The following SMC1B variants were observed in gnomAD, a reference collection of about 807,000 sequenced individuals.
SMC1B encodes the protein structural maintenance of chromosomes protein 1B.
Under a neutral mutation model 157.9 loss-of-function variants are expected in SMC1B, and 60 were observed. The ratio of observed to expected loss-of-function variants is 0.38; its 90% confidence interval spans 0.31 to 0.47. SMC1B has a LOEUF of 0.47. Among genes scored for constraint, SMC1B ranks in the 20% least tolerant of loss-of-function variants. The pLI, the probability that SMC1B is intolerant of heterozygous loss-of-function variation, is 0.99. For missense variants in SMC1B, 1,165 were observed against 1,426.2 expected, an observed-to-expected ratio of 0.82 and a Z score of 2.95; for synonymous variants, 445 against 483.0, an observed-to-expected ratio of 0.92 and a Z score of 1.03.
intron 1 of SMC1B, among the ~76,000 whole-genome samples, chr22:45,409,308 A>G (rs1357329818): frequency 6.6e-6 from 1 of 152,224 alleles, no homozygotes. Context: ...TCATGCCTAT[A>G]ATCCTAGCAC....
intron 17 of SMC1B, among the ~76,000 whole-genome samples, chr22:45,361,558 G>C (rs1306592301): frequency 6.6e-6 from 1 of 152,158 alleles, no homozygotes; most frequent in Non-Finnish European, 1.5e-5. Flanking sequence ...AACCCGGGAA[G>C]CAAAGGTTGC....
chr22:45,378,282 G>A (rs2146806763), intron 12 of SMC1B, among the ~76,000 whole-genome samples: 1 of 152,018 alleles, frequency 6.6e-6, no homozygotes, highest in Non-Finnish European at 1.5e-5. Context: ...AATTTCTATA[G>A]AGACAAATAT....
chr22:45,405,177 C>T (rs2087244287), intron 4 of SMC1B, among the ~76,000 whole-genome samples: 1 of 151,866 alleles, frequency 6.6e-6, no homozygotes, highest in South Asian at 2.1e-4. Context: ...TTGGTGTGTT[C>T]AACACATAAT....
chr22:45,385,068 T>C (rs2086976925), intron 11 of SMC1B, among the ~76,000 whole-genome samples: 2 of 152,114 alleles, frequency 1.3e-5, no homozygotes, highest in South Asian at 2.1e-4. Context: ...AACCAGTCTA[T>C]AGGAGAAGAA....
intron 10 of SMC1B, among the ~76,000 whole-genome samples, chr22:45,389,004 A>AAAG (rs59142345): frequency 1.2e-4 from 17 of 142,564 alleles, no homozygotes; most frequent in Non-Finnish European, 2.0e-4. Flanking sequence ...AAAAAAAAAA[A>AAAG]GAAAAAGAAA....
In SMC1B at chr22:45,371,509, G is replaced by T; in HGVS notation, c.2275C>A (p.Gln759Lys). 1 of 1,598,600 alleles carries T rather than the reference G, an allele frequency of 6.3e-7. No individual in the cohort carries two copies. The highest frequency in any genetic ancestry group is 8.5e-7 in the Non-Finnish European group (1 of 1,174,034). Residue 759 changes from glutamine to lysine, a missense_variant, in exon 14 of 25, where the codon CAA (glutamine) becomes AAA (lysine). Transcript: ENST00000357450. ...TCTTGAAATTCTTTAATTCTTCGTTGTCGTTCCTTGATTCCTTCACTCAAC... is the reference window on the plus strand; with the variant it reads ...TCTTGAAATTCTTTAATTCTTCGTTTTCGTTCCTTGATTCCTTCACTCAAC... The part of the protein sequence containing the change: ...IMLSEGIKER[Q>K]RRIKEFQEKI...
Position 45,375,996 on chromosome 22 carries a change from G to C in SMC1B, c.2059-3704C>G, listed in dbSNP as rs376188538. ...ATAGAACTGAGCTGTAAGCCCATCT[G>C]GTCCCAGAGGTTATTTTTGGTTTTT... On this transcript the variant is annotated intron_variant, in intron 12 of 24. Transcript: ENST00000357450. Among the ~76,000 whole-genome samples the C allele has an allele frequency of 5.9e-5, 9 of 152,198 alleles. No homozygotes were observed. The South Asian group carries it at 8.3e-4, about 14-fold the overall frequency.
intron 11 of SMC1B, among the ~76,000 whole-genome samples, chr22:45,384,622 A>G (rs1180590702): frequency 6.6e-6 from 1 of 151,934 alleles, no homozygotes; most frequent in Non-Finnish European, 1.5e-5. Context: ...CAGGAGGCTG[A>G]GGCACGAGAA....
At position 45,413,454 on chromosome 22, in the gene SMC1B, G is replaced by C; in HGVS notation, c.109+5C>G. On this transcript the variant is annotated splice_donor_5th_base_variant and intron_variant, in intron 1 of 24. Transcript: ENST00000357450. ...CTCCGGTGGCGCCCTGAGCTGCTCA[G>C]TTACCAGAGCCGTTGGGGCCGATGA... is the stretch of plus-strand genomic sequence containing the variant. 1.2e-6 allele frequency: 2 copies of C among 1,602,454 alleles called. No individual in the cohort carries two copies. Among genetic ancestry groups the C allele is most frequent in the Non-Finnish European group, 1.7e-6 (2 of 1,174,268 alleles).
At chr22:45,399,684 A>C (rs2087169625) in intron 5 of SMC1B, among the ~76,000 whole-genome samples, 1 of 152,210 alleles carries the variant, frequency 6.6e-6, no homozygotes, top group South Asian at 2.1e-4. Flanking sequence ...CCTATATGGA[A>C]TGTAGAATGC....
At chr22:45,409,174 T>A (rs2146858148) in intron 1 of SMC1B, among the ~76,000 whole-genome samples, 1 of 152,314 alleles carries the variant, frequency 6.6e-6, no homozygotes, top group African/African-American at 2.4e-5. Flanking sequence ...CCATGGCAAA[T>A]CATTTAACTT....
At chr22:45,344,776 A>T in intron 24 of SMC1B, 119 bp from the exon 25 acceptor site, 2 of 612,810 alleles carry the variant, frequency 3.3e-6, no homozygotes, top group East Asian at 5.7e-5. Flanking sequence ...ACCTAGTAAG[A>T]TATCTGCATT....
chr22:45,413,333 T>C (rs1415528388), intron 1 of SMC1B, 126 bp downstream of exon 1: 5 of 698,710 alleles, frequency 7.2e-6, no homozygotes, highest in Non-Finnish European at 1.2e-5. Context: ...GCGGTCAGGC[T>C]CCGGGACTGG....
At position 45,406,443 on chromosome 22, in the gene SMC1B, T is replaced by C. The variant is rs1354052434; in HGVS notation, c.615+17A>G. The C allele has an allele frequency of 1.3e-6, 2 of 1,596,262 alleles. No homozygotes were observed. Among genetic ancestry groups the C allele is most frequent in the African/African-American group, 2.7e-5 (2 of 73,826 alleles). On this transcript the variant is annotated intron_variant, in intron 4 of 24. Coordinates refer to ENST00000357450, the MANE Select transcript of SMC1B (RefSeq NM_148674.5). Reference sequence around the variant, plus strand: ...TTATATCCAACAACTAATGGTTACATCTTCATGACATCTTACCTCTTCCTT... The same window carrying C: ...TTATATCCAACAACTAATGGTTACACCTTCATGACATCTTACCTCTTCCTT...
At position 45,406,585 on chromosome 22, in the gene SMC1B, G is replaced by A. The variant is rs1247538741; in HGVS notation, c.490C>T (p.Leu164Phe). The change falls in exon 4 of 25, where the codon CTT becomes TTT. Residue 164 changes from leucine to phenylalanine, a missense_variant. Transcript: ENST00000357450. ...TTCTTTTCTTCATATTCTCCTATAA[G>A]CTCTCCTGAAGTGCTGATTTCCTCA... ...FFEEISTSGE[L>F]IGEYEEKKRK... 4.3e-6 allele frequency: 7 copies of A among 1,613,336 alleles called. No homozygotes were observed. In the East Asian group the frequency reaches 6.7e-5, roughly 15 times the overall value.
rs995609984 is a variant in SMC1B at position 45,352,550 on chromosome 22, T to C, written c.3326A>G (p.Tyr1109Cys). Reference protein sequence around the residue: ...PEEPYLEGISYNCVAPGKRFM... With the variant: ...PEEPYLEGISCNCVAPGKRFM... ...CCGTTTGCCTGGGGCCACACAGTTA[T>C]AGCTAATTCCCTCCAAGTAAGGTTC... The change falls in exon 22 of 25, where the codon TAT becomes TGT. Residue 1109 changes from tyrosine to cysteine, a missense_variant. Transcript: ENST00000357450. The C allele has an allele frequency of 6.2e-7, 1 of 1,613,992 alleles. No homozygotes were observed. Among genetic ancestry groups the C allele is most frequent in the South Asian group, 1.1e-5 (1 of 91,062 alleles).
intron 15 of SMC1B, among the ~76,000 whole-genome samples, chr22:45,363,277 A>G (rs1055314087): frequency 1.3e-5 from 2 of 152,212 alleles, no homozygotes; most frequent in Non-Finnish European, 2.9e-5. Flanking sequence ...ACCTGTAAGT[A>G]TTTTTGTATG....
At chr22:45,402,226 A>T (rs1395659290) in intron 5 of SMC1B, 107 bp downstream of exon 5, 110 of 829,460 alleles carry the variant, frequency 1.3e-4, no homozygotes, top group Non-Finnish European at 4.2e-5. Flanking sequence ...AAGTATTCCA[A>T]AGTAAAAAGC....
rs2086816596 is a variant in SMC1B, at chr22:45,370,080, CAATT to C, written c.2314-24_2314-21del. The C allele has an allele frequency of 7.7e-7, 1 of 1,296,082 alleles. No homozygotes were observed. The highest frequency in any genetic ancestry group is 1.5e-5 in the South Asian group (1 of 68,922). 80.3% of individuals were successfully genotyped at this position (1,296,082 alleles called of 1,614,324 possible). A position where few individuals can be genotyped will look rare whatever the true frequency, so the allele number is the denominator to read the frequency against. ...TTCTACCTTTTAAATTATTTTAAAA[CAATT>C]GATTTAATAAGCAATTTTAAGAAAT... On this transcript the variant is annotated intron_variant, in intron 14 of 24. Transcript: ENST00000357450.
Sources: gnomAD v4.1 joint callset for allele counts (sites outside exome capture counted in the v4.1 genomes callset) on GRCh38, gnomAD v4.1.1 for gene constraint, MANE v1.5 for transcripts, NCBI Gene and HGNC (gene_info 2026-07-23, HGNC 2026-07-21) for gene names.